COL12A1: variants seen among roughly 807,000 people sequenced by gnomAD.
COL12A1 encodes collagen alpha-1(XII) chain.
Under a neutral mutation model 349.7 loss-of-function variants are expected in COL12A1, and 114 were observed. The ratio of observed to expected loss-of-function variants is 0.33; its 90% confidence interval spans 0.28 to 0.38. COL12A1 has a LOEUF of 0.38. Among genes scored for constraint, COL12A1 ranks in the 10% least tolerant of loss-of-function variants. The pLI is 1.00. For missense variants in COL12A1, 3,284 were observed against 3,756.9 expected, an observed-to-expected ratio of 0.87 and a Z score of 3.29; for synonymous variants, 1,369 against 1,329.0, an observed-to-expected ratio of 1.03 and a Z score of -0.66.
At position 75,191,732 on chromosome 6, in the gene COL12A1, C is replaced by T. The variant is rs559388395; in HGVS notation, c.363G>A (p.Val121=). ...TCTCGGTTTTTCCAGGTTTCTTCTC[C>T]ACTGGCTTTGTCGAACTACCTGTTT... The part of the protein sequence containing the change: ...TIQTGSSTKP[V]EKKPGKTEIQ... Residue 121 remains valine (V), a synonymous_variant, in exon 5 of 66, where the codon GTG becomes GTA. Transcript: ENST00000322507. 204 of 1,596,592 alleles carry T rather than the reference C, an allele frequency of 1.3e-4. 2 individuals carry two copies. In the South Asian group the frequency reaches 2.1e-3, roughly 17 times the overall value.
intron 36 of COL12A1, among the ~76,000 whole-genome samples, chr6:75,130,599 C>G (rs1346761385): frequency 2.6e-5 from 4 of 152,086 alleles, no homozygotes; most frequent in African/African-American, 7.2e-5. Flanking sequence ...AAAGAAGATA[C>G]AGAGCAGAAG....
chr6:75,152,497 A>G lies in COL12A1; in HGVS notation c.3566-15T>C, dbSNP rs1767545966. The G allele has an allele frequency of 2.5e-6, 4 of 1,612,800 alleles. No homozygotes were observed. The highest frequency in any genetic ancestry group is 3.4e-6 in the Non-Finnish European group (4 of 1,179,460). On this transcript the variant is annotated splice_polypyrimidine_tract_variant and intron_variant, in intron 17 of 65. Transcript: ENST00000322507. The stretch of plus-strand genomic sequence containing the variant: ...ACACTCCATCCCTGACATGGCAATC[A>G]TGAGACAAGACAGTAAGAAGCAAAT...
chr6:75,153,166 A>G (rs1284120909), intron 17 of COL12A1, among the ~76,000 whole-genome samples: 1 of 152,146 alleles, frequency 6.6e-6, no homozygotes, highest in Non-Finnish European at 1.5e-5. Flanking sequence ...CTGTGAATAA[A>G]AATCATGTAA....
chr6:75,091,758 T>C (rs1437935294), intron 60 of COL12A1, among the ~76,000 whole-genome samples: 1 of 152,158 alleles, frequency 6.6e-6, no homozygotes, highest in Non-Finnish European at 1.5e-5. Context: ...TCCAAAATAG[T>C]GCACAGATGT....
chr6:75,138,750 C>A lies in COL12A1; in HGVS notation c.5097+72G>T. 4.4e-6 allele frequency: 7 copies of A among 1,596,780 alleles called. No homozygotes were observed. In the South Asian group the frequency reaches 5.6e-5, roughly 13 times the overall value. On this transcript the variant is annotated intron_variant, in intron 28 of 65. Transcript: ENST00000322507. The stretch of plus-strand genomic sequence containing the variant: ...CTTATTGACAACAAGAGTAATACTT[C>A]TTTGAACTAAGCTTCCCTACAAATT...
At chr6:75,173,191 T>C (rs1455006156) in intron 13 of COL12A1, among the ~76,000 whole-genome samples, 1 of 152,170 alleles carries the variant, frequency 6.6e-6, no homozygotes, top group Non-Finnish European at 1.5e-5. Flanking sequence ...TCATCCCTTC[T>C]TTATAGATGA....
In COL12A1 at chr6:75,090,256, T is replaced by C; in HGVS notation, c.8795A>G (p.Asn2932Ser). Residue 2932 changes from asparagine to serine, a missense_variant, in exon 63 of 66, where the codon AAT becomes AGT. Asn to Ser is a conservative substitution (Grantham distance 46). Around this residue, in one of 2 missense-constraint regions of COL12A1, gnomAD observed 683 missense variants for 932.1 expected, o/e 0.73. Coordinates refer to ENST00000322507, the MANE Select transcript of COL12A1 (RefSeq NM_004370.6). The surrounding 1 kb of genome is among the most constrained non-coding windows in gnomAD (Gnocchi z 4.1). ...CTGGTTGCGACTGGACTGGTAATCA[T>C]TTGGAATCTGATTCAGCATCTGATT... ...RFNQMLNQIP[N>S]DYQSSRNQPG... The C allele has an allele frequency of 6.2e-7, 1 of 1,613,500 alleles. No individual in the cohort carries two copies.
rs764617200 is a variant in COL12A1, at chr6:75,183,393, A to G, written c.1548T>C (p.Ser516=). The G allele has an allele frequency of 3.1e-6, 5 of 1,614,224 alleles. No homozygotes were observed. The East Asian group carries it at 8.9e-5, about 29-fold the overall frequency. Residue 516 remains serine, a synonymous_variant, in exon 10 of 66, where the codon TCT becomes TCC. Coordinates refer to ENST00000322507, the MANE Select transcript of COL12A1 (RefSeq NM_004370.6). ...AINTFPYRGG[S]TNTGKAMTYV... ...AAGTCATTGCTTTGCCAGTATTTGTAGATCCTCCTCTGTAAGGGAAGGTGT... is the reference window on the plus strand; with the variant it reads ...AAGTCATTGCTTTGCCAGTATTTGTGGATCCTCCTCTGTAAGGGAAGGTGT...
At chr6:75,123,704 A>G (rs1040822507) in intron 42 of COL12A1, among the ~76,000 whole-genome samples, 1 of 152,202 alleles carries the variant, frequency 6.6e-6, no homozygotes, top group African/African-American at 2.4e-5. Flanking sequence ...AGCGAGAGCC[A>G]TCTCTCCCTC....
intron 43 of COL12A1, among the ~76,000 whole-genome samples, chr6:75,121,752 T>C (rs1765744685): frequency 6.6e-6 from 1 of 152,130 alleles, no homozygotes; most frequent in Non-Finnish European, 1.5e-5. Context: ...TCTTACTTAA[T>C]GGAACTCTTC....
intron 2 of COL12A1, among the ~76,000 whole-genome samples, chr6:75,201,193 T>G (rs1187321301): frequency 6.6e-6 from 1 of 152,206 alleles, no homozygotes; most frequent in Non-Finnish European, 1.5e-5. Flanking sequence ...AATGGGCCAC[T>G]TCAGTGAATT....
intron 50 of COL12A1, 75 bp downstream of exon 50, chr6:75,113,527 G>C (rs943660801): frequency 7.1e-7 from 1 of 1,416,178 alleles, no homozygotes; most frequent in Non-Finnish European, 9.5e-7. Context: ...TCTATATTCA[G>C]AAAGTTTTTT....
intron 3 of COL12A1, among the ~76,000 whole-genome samples, chr6:75,194,077 C>T (rs1201472353): frequency 6.6e-6 from 1 of 152,178 alleles, no homozygotes; most frequent in Non-Finnish European, 1.5e-5. Context: ...ATTTATAATC[C>T]TTTGGGTATA....
intron 52 of COL12A1, 102 bp from the exon 53 acceptor site, chr6:75,106,598 C>A (rs1768557074): frequency 1.0e-6 from 1 of 971,630 alleles, no homozygotes; most frequent in African/African-American, 1.6e-5. Context: ...CATACTCTCT[C>A]AAGGGTGTGA....
chr6:75,116,179 C>T (rs1206017258), intron 47 of COL12A1, 122 bp from the exon 48 acceptor site: 3 of 921,966 alleles, frequency 3.3e-6, no homozygotes, highest in African/African-American at 3.4e-5. Context: ...ATTAAAATAA[C>T]TTCTCAATTT....
rs1311326743 is a variant in COL12A1, at chr6:75,086,543, T to C, written c.*4A>G. 3 of 1,607,460 alleles carry C rather than the reference T, an allele frequency of 1.9e-6. No homozygotes were observed. The highest frequency in any genetic ancestry group is 1.7e-5 in the Admixed American group (1 of 59,620). On this transcript the variant is annotated 3_prime_UTR_variant, in exon 66 of 66. Transcript: ENST00000322507. ...TAAGCAGCACTGGCGACTTAGAAAA[T>C]GTGTTAGCCGGAACCTGAAACAGGT...
At chr6:75,097,087 C>T (rs1582041861) in intron 59 of COL12A1, among the ~76,000 whole-genome samples, 166 bp downstream of exon 59, 1 of 152,090 alleles carries the variant, frequency 6.6e-6, no homozygotes, top group African/African-American at 2.4e-5. Context: ...TATTTTAACA[C>T]GTCTGTTTTC....
At chr6:75,190,862 C>A (rs901220895) in intron 5 of COL12A1, among the ~76,000 whole-genome samples, 1 of 151,782 alleles carries the variant, frequency 6.6e-6, no homozygotes, top group African/African-American at 2.4e-5. Context: ...TGGCATAATA[C>A]CTCAATTTAA....
intron 12 of COL12A1, 75 bp from the exon 13 acceptor site, chr6:75,175,385 C>G: frequency 6.6e-7 from 1 of 1,507,990 alleles, no homozygotes; most frequent in Non-Finnish European, 8.9e-7. Flanking sequence ...TGTTACTTTA[C>G]TTATGCATGT....
Sources: gnomAD v4.1 joint callset for allele counts (sites outside exome capture counted in the v4.1 genomes callset) on GRCh38, gnomAD v4.1.1 for gene constraint, gnomAD v4.1.1 regional missense constraint, Gnocchi (gnomAD v3.1) non-coding constraint, MANE v1.5 for transcripts, NCBI Gene and HGNC (gene_info 2026-07-23, HGNC 2026-07-21) for gene names.